Variants in DNAJC18 observed in about 807,000 individuals in gnomAD.
DNAJC18 encodes the protein DnaJ heat shock protein family (Hsp40) member C18.
Under a neutral mutation model 48.6 loss-of-function variants are expected in DNAJC18, and 40 were observed. The ratio of observed to expected loss-of-function variants is 0.82; its 90% CI spans 0.64 to 1.07. The LOEUF is 1.07. DNAJC18 is among the 50% of genes least tolerant of loss of function. The pLI is 0.00. For missense variants in DNAJC18, 340 were observed against 427.7 expected, an observed-to-expected ratio of 0.79 and a Z score of 1.81; for synonymous variants, 135 against 152.2, an observed-to-expected ratio of 0.89 and a Z score of 0.83.
intron 2 of DNAJC18, among the ~76,000 whole-genome samples, chr5:139,436,141 A>G (rs1750654019): frequency 6.6e-6 from 1 of 151,848 alleles, no homozygotes. Flanking sequence ...GCTGCAATGC[A>G]GTGGCACTAC....
In DNAJC18 at chr5:139,437,457, T is replaced by C; in HGVS notation, c.142A>G (p.Lys48Glu). Reference protein sequence around the residue: ...CCNCMKAQKEKKSENEWTQTR... With the variant: ...CCNCMKAQKEEKSENEWTQTR... ...TGAGTCCACTCATTCTCAGACTTCT[T>C]TTCCTTTTGTGCCTTCATGCAGTTA... The change falls in exon 2 of 8, where the codon AAG becomes GAG. Residue 48 changes from lysine (K) to glutamate (E), a missense_variant. By Grantham distance (56) the Lys-to-Glu change is moderately conservative (BLOSUM62 1). Transcript: ENST00000302060. 2.5e-6 allele frequency: 4 copies of C among 1,614,218 alleles called. No homozygotes were observed. The highest frequency in any genetic ancestry group is 3.4e-6 in the Non-Finnish European group (4 of 1,180,040).
At chr5:139,418,666 T>C (rs1184017601) in intron 7 of DNAJC18, 1 of 443,828 alleles carries the variant, frequency 2.3e-6, no homozygotes, top group Non-Finnish European at 4.6e-6. Flanking sequence ...GACTTTGCCG[T>C]ACAGAAATAG....
chr5:139,418,955 G>T (rs189325509), intron 7 of DNAJC18: 4 of 431,450 alleles, frequency 9.3e-6, no homozygotes, highest in Non-Finnish European at 1.9e-5. Flanking sequence ...TTAGCAGGCT[G>T]AACAAAGTGC....
Position 139,437,570 on chromosome 5 carries a change from A to C in DNAJC18, c.41-12T>G. ...TGCGTCAATGTAAGCTGCAAACAAC[A>C]GCCCCTCCATTAGGTCTCCATCTGA... On this transcript the variant is annotated splice_polypyrimidine_tract_variant and intron_variant, in intron 1 of 7. Coordinates refer to ENST00000302060, the MANE Select transcript of DNAJC18 (RefSeq NM_152686.4). The C allele has an allele frequency of 6.2e-7, 1 of 1,607,000 alleles. No individual in the cohort carries two copies. The highest frequency in any genetic ancestry group is 8.5e-7 in the Non-Finnish European group (1 of 1,177,246).
Position 139,420,068 on chromosome 5 carries a change from T to C in DNAJC18, c.937A>G (p.Lys313Glu). The change falls in exon 7 of 8, where the codon AAG becomes GAG. Residue 313 changes from lysine (K) to glutamate (E), a missense_variant. Transcript: ENST00000302060. ...AGTATCTTACTTTGTTGTTTCTCCT[T>C]CCAACAACTAGTCTGGATATAATCA... ...YIDYIQTSCW[K>E]EKQQKSELTN... 1 of 1,572,866 alleles carries C rather than the reference T, an allele frequency of 6.4e-7. No homozygotes were observed. The highest frequency in any genetic ancestry group is 2.3e-5 in the East Asian group (1 of 42,924).
rs775871165 is a variant in DNAJC18 at position 139,414,152 on chromosome 5, C to T, written c.1073G>A (p.Gly358Asp). 1 of 1,613,264 alleles carries T rather than the reference C, an allele frequency of 6.2e-7. No homozygotes were observed. Among genetic ancestry groups the T allele is most frequent in the Non-Finnish European group, 8.5e-7 (1 of 1,179,754 alleles). ...LSKLIGLRRG[G>D] ...CTGCGTAGGACCATTATCCTCTCAG[C>T]CACCTCTGCGTAGGCCAATGAGTTT... The change falls in exon 8 of 8, where the codon GGC (glycine) becomes GAC (aspartate). Residue 358 changes from glycine (G) to aspartate (D), a missense_variant. Gly to Asp is a moderately conservative substitution (Grantham distance 94, BLOSUM62 -1). Transcript: ENST00000302060.
intron 6 of DNAJC18, among the ~76,000 whole-genome samples, chr5:139,420,596 T>G (rs980777776): frequency 4.0e-5 from 6 of 149,000 alleles, no homozygotes; most frequent in Non-Finnish European, 8.9e-5. Flanking sequence ...GCTGGTTGAA[T>G]GAACTGATTA....
In DNAJC18 at chr5:139,423,390, C is replaced by CT. The variant is rs34518006; in HGVS notation, c.670-574dup. 4.7e-3 allele frequency among the ~76,000 whole-genome samples: 653 copies of CT among 139,896 alleles called. 6 individuals carry two copies. The highest frequency in any genetic ancestry group is 0.015 in the African/African-American group (577 of 38,110). 91.8% of individuals were successfully genotyped at this position (139,896 alleles called of 152,430 possible). On this transcript the variant is annotated intron_variant, in intron 5 of 7. Coordinates refer to ENST00000302060, the MANE Select transcript of DNAJC18 (RefSeq NM_152686.4). ...TGCTCATTGGAGCATTTTGGATTTC[C>CT]TTTTTTTTTTTTTTTCTGAGACATG...
chr5:139,433,444 CAA>C (rs1329018409), intron 2 of DNAJC18, among the ~76,000 whole-genome samples: 5 of 66,756 alleles, frequency 7.5e-5, no homozygotes, highest in African/African-American at 1.0e-4. Flanking sequence ...AACTCCATCT[CAA>C]AAAAAAAAAA....
intron 6 of DNAJC18, among the ~76,000 whole-genome samples, chr5:139,420,628 C>CA (rs745988381): frequency 2.0e-5 from 3 of 148,788 alleles, no homozygotes; most frequent in South Asian, 2.2e-4. Context: ...AAATTATTTA[C>CA]AAAAAAAACA....
intron 1 of DNAJC18, 94 bp from the exon 2 acceptor site, chr5:139,437,652 T>G: frequency 6.9e-7 from 1 of 1,446,992 alleles, no homozygotes; most frequent in Non-Finnish European, 9.2e-7. Context: ...CTCGTAAGCA[T>G]GAGAAGGTAA....
chr5:139,435,287 G>T (rs1750618415), intron 2 of DNAJC18, among the ~76,000 whole-genome samples: 1 of 152,028 alleles, frequency 6.6e-6, no homozygotes, highest in South Asian at 2.1e-4. Flanking sequence ...TGGGAGGCAG[G>T]GGTTGCAGTG....
At chr5:139,427,277 A>G (rs1342462609) in intron 3 of DNAJC18, among the ~76,000 whole-genome samples, 1 of 152,220 alleles carries the variant, frequency 6.6e-6, no homozygotes, top group Non-Finnish European at 1.5e-5. Context: ...ATAGTTACAT[A>G]TGTTTACCAA....
rs115807907 is a variant in DNAJC18 at position 139,424,968 on chromosome 5, T to C, written c.669+37A>G. 1,356 of 1,575,976 alleles carry C rather than the reference T, an allele frequency of 8.6e-4. 11 individuals carry two copies. In the African/African-American group the frequency reaches 0.012, roughly 13 times the overall value. On this transcript the variant is annotated intron_variant, in intron 5 of 7. Transcript: ENST00000302060. ...ACCATCAAGGTTGGCCAAGTACAAC[T>C]GTTTATGGGCAGCAGTGCTCCTCCC...
In DNAJC18 at chr5:139,413,007, G is replaced by A. The variant is rs9285942; in HGVS notation, c.*1141C>T. The A allele has an allele frequency of 0.042, 16,512 of 397,784 alleles. 1,050 individuals carry two copies. Among genetic ancestry groups the A allele is most frequent in the African/African-American group, 0.19 (9,092 of 48,680 alleles). The allele number at this position is 397,784 out of a possible 1,614,324, so 24.6% of individuals were successfully genotyped here. On this transcript the variant is annotated 3_prime_UTR_variant, in exon 8 of 8. Coordinates refer to ENST00000302060, the MANE Select transcript of DNAJC18 (RefSeq NM_152686.4). ...GTCTTGCTCTGCCACTACAAGACCT[G>A]GGTCATCCTCTCTGGGCCAATGTTC...
chr5:139,427,062 A>C (rs1022912667), intron 3 of DNAJC18, among the ~76,000 whole-genome samples: 2 of 152,210 alleles, frequency 1.3e-5, no homozygotes, highest in African/African-American at 4.8e-5. Context: ...TTTATGTTGG[A>C]AACAGTTCAC....
chr5:139,419,083 T>C (rs775583916), intron 7 of DNAJC18: 1 of 436,892 alleles, frequency 2.3e-6, no homozygotes, highest in Non-Finnish European at 4.5e-6. Flanking sequence ...CTCCATTAGG[T>C]ATTTAATGAT....
At chr5:139,414,326 T>C (rs1335212494) in intron 7 of DNAJC18, 54 bp from the exon 8 acceptor site, 2 of 1,551,090 alleles carry the variant, frequency 1.3e-6, no homozygotes, top group East Asian at 2.3e-5. Context: ...CTTTGTTTCA[T>C]TTCAATGTTT....
rs72790969 is a variant in DNAJC18, at chr5:139,437,986, C to A, written c.41-428G>T. 2.6e-5 allele frequency among the ~76,000 whole-genome samples: 4 copies of A among 152,294 alleles called. No individual in the cohort carries two copies. In the South Asian group the frequency reaches 8.3e-4, roughly 32 times the overall value. ...CCCACAGGTGGCATGTGGCCCAGCA[C>A]GGCTTTGAGCTCAATACAAATTCGT... On this transcript the variant is annotated intron_variant, in intron 1 of 7. Coordinates refer to ENST00000302060, the MANE Select transcript of DNAJC18 (RefSeq NM_152686.4).
Sources: gnomAD v4.1 joint callset for allele counts (sites outside exome capture counted in the v4.1 genomes callset) on GRCh38, gnomAD v4.1.1 for gene constraint, MANE v1.5 for transcripts, NCBI Gene and HGNC (gene_info 2026-07-23, HGNC 2026-07-21) for gene names.